PIBF1: variants seen among roughly 807,000 people sequenced by gnomAD.
PIBF1 encodes the protein progesterone-induced-blocking factor 1.
PIBF1 carries 90 observed loss-of-function variants against 112.5 expected under a neutral mutation model. The ratio of observed to expected loss-of-function variants is 0.80; its 90% confidence interval spans 0.67 to 0.95. PIBF1 has a LOEUF of 0.95. Among genes scored for constraint, PIBF1 ranks in the 40% least tolerant of loss-of-function variants. The pLI, the probability that PIBF1 is intolerant of heterozygous loss-of-function variation, is 0.00. For missense variants in PIBF1, 915 were observed against 852.3 expected (o/e 1.07, Z -0.92); for synonymous variants, 301 against 288.6 (o/e 1.04, Z -0.44).
intron 10 of PIBF1, among the ~76,000 whole-genome samples, chr13:72,877,044 G>A (rs112231413): frequency 4.7e-4 from 71 of 152,208 alleles, no homozygotes; most frequent in African/African-American, 1.6e-3. Context: ...ATCAAGTTGA[G>A]GAACTTCCCG....
chr13:72,824,037 A>G, intron 6 of PIBF1, among the ~76,000 whole-genome samples: 1 of 152,042 alleles, frequency 6.6e-6, no homozygotes, highest in East Asian at 1.9e-4. Flanking sequence ...TTTTTGAGAC[A>G]GAGTCTCACT....
At chr13:72,870,811 A>G (rs1029153875) in intron 10 of PIBF1, among the ~76,000 whole-genome samples, 11 of 151,196 alleles carry the variant, frequency 7.3e-5, no homozygotes, top group Admixed American at 3.3e-4. Context: ...TAAATATAGA[A>G]GAAACAAAAG....
At chr13:72,820,651 A>G (rs185176618) in intron 5 of PIBF1, among the ~76,000 whole-genome samples, 16 of 152,308 alleles carry the variant, frequency 1.1e-4, no homozygotes, top group Admixed American at 3.9e-4. Flanking sequence ...TTGTATCTGT[A>G]GTGCCTAATC....
At chr13:72,890,438 A>C (rs1361721907) in intron 10 of PIBF1, among the ~76,000 whole-genome samples, 1 of 152,148 alleles carries the variant, frequency 6.6e-6, no homozygotes, top group Non-Finnish European at 1.5e-5. Context: ...AGAGCAAACC[A>C]TCAGTTCTAG....
chr13:72,880,719 A>G (rs1207061544), intron 10 of PIBF1, among the ~76,000 whole-genome samples: 1 of 152,240 alleles, frequency 6.6e-6, no homozygotes, highest in Non-Finnish European at 1.5e-5. Context: ...GTCACATTAC[A>G]TTGAAAAATA....
intron 13 of PIBF1, among the ~76,000 whole-genome samples, chr13:72,930,503 A>C (rs1264252988): frequency 6.6e-6 from 1 of 152,224 alleles, no homozygotes; most frequent in Non-Finnish European, 1.5e-5. Context: ...TTTTATTCTT[A>C]AAATTGTTTC....
At chr13:72,783,177 GT>G (rs895471216) in intron 1 of PIBF1, among the ~76,000 whole-genome samples, 2 of 151,772 alleles carry the variant, frequency 1.3e-5, no homozygotes, top group African/African-American at 4.8e-5. Flanking sequence ...ACATTTCTTT[GT>G]TTCCTCCAAG....
chr13:72,947,935 G>T (rs544605607), intron 14 of PIBF1, among the ~76,000 whole-genome samples: 3 of 152,270 alleles, frequency 2.0e-5, no homozygotes, highest in Non-Finnish European at 4.4e-5. Context: ...GCAGGAACAT[G>T]GATGAAGCTG....
At chr13:72,785,457 C>T (rs1346030393) in intron 2 of PIBF1, among the ~76,000 whole-genome samples, 1 of 152,154 alleles carries the variant, frequency 6.6e-6, no homozygotes, top group Non-Finnish European at 1.5e-5. Context: ...TTAAACAAAG[C>T]CACTAGGTGG....
chr13:72,981,011 G>A (rs2043142997), intron 16 of PIBF1, among the ~76,000 whole-genome samples: 1 of 151,876 alleles, frequency 6.6e-6, no homozygotes, highest in Non-Finnish European at 1.5e-5. Context: ...TTGGGAGGCG[G>A]AAGTGGGTGG....
chr13:72,903,573 C>T (rs983033257), intron 11 of PIBF1, among the ~76,000 whole-genome samples: 1 of 152,170 alleles, frequency 6.6e-6, no homozygotes, highest in Non-Finnish European at 1.5e-5. Context: ...GGCTACTTCA[C>T]TGAGGAACCA....
At chr13:72,895,405 C>A (rs989648863) in intron 11 of PIBF1, among the ~76,000 whole-genome samples, 2 of 150,586 alleles carry the variant, frequency 1.3e-5, no homozygotes, top group African/African-American at 4.9e-5. Context: ...GGGCTTATGT[C>A]CTTAAGTTTA....
chr13:72,902,901 CTT>C (rs113529963), intron 11 of PIBF1, among the ~76,000 whole-genome samples: 5 of 143,190 alleles, frequency 3.5e-5, no homozygotes, highest in East Asian at 2.0e-4. Context: ...GGAAATAAAT[CTT>C]TTTTTTTTTT....
Position 72,893,954 on chromosome 13 carries a change from A to G in PIBF1, c.1488+5A>G. On this transcript the variant is annotated splice_donor_5th_base_variant and intron_variant, in intron 11 of 17. Transcript: ENST00000326291. ...AAATATCAGAAAAAATTGGAGGTAC[A>G]TGTACAAGCTTTTCTTTCAACATTA... The G allele has an allele frequency of 6.6e-7, 1 of 1,505,352 alleles. No homozygotes were observed. Among genetic ancestry groups the G allele is most frequent in the South Asian group, 1.2e-5 (1 of 83,464 alleles). 93.2% of individuals were successfully genotyped at this position (1,505,352 alleles called of 1,614,324 possible). A position where few individuals can be genotyped will look rare whatever the true frequency, so the allele number is the denominator to read the frequency against.
chr13:72,883,148 C>T (rs114959997), intron 10 of PIBF1, among the ~76,000 whole-genome samples: 294 of 152,106 alleles, frequency 1.9e-3, no homozygotes, highest in African/African-American at 6.6e-3. Context: ...GAGTATTCTT[C>T]GGCCATAAAA....
At chr13:72,791,037 TTTTG>T (rs141805152) in intron 2 of PIBF1, among the ~76,000 whole-genome samples, 24,549 of 149,742 alleles carry the variant, frequency 0.16, 5,187 homozygotes, top group African/African-American at 0.49. Context: ...ATTCATGTAT[TTTTG>T]TTTGTTTGTT....
At chr13:72,878,214 A>G (rs929496923) in intron 10 of PIBF1, among the ~76,000 whole-genome samples, 3 of 149,550 alleles carry the variant, frequency 2.0e-5, no homozygotes, top group South Asian at 2.1e-4. Context: ...GATTTAATTT[A>G]CTCTTTTTTT....
chr13:72,834,198 G>A (rs2037248973), intron 8 of PIBF1, among the ~76,000 whole-genome samples: 2 of 152,158 alleles, frequency 1.3e-5, no homozygotes, highest in African/African-American at 4.8e-5. Context: ...ATCGCATTGT[G>A]TTTTAACTTA....
In PIBF1 at chr13:72,962,596, C is replaced by CAA. The variant is rs56918554; in HGVS notation, c.1834-2666_1834-2665dup. On this transcript the variant is annotated intron_variant, in intron 14 of 17. Coordinates refer to ENST00000326291, the MANE Select transcript of PIBF1 (RefSeq NM_006346.4). ...TAGGTGACAGAGTGAGTCCCTGTCT[C>CAA]AAAAAAAAAAAAAGGAAGAAAACAT... 1.7e-3 allele frequency among the ~76,000 whole-genome samples: 230 copies of CAA among 133,006 alleles called. 1 individual carries two copies. The highest frequency in any genetic ancestry group is 4.9e-3 in the African/African-American group (182 of 37,160). 87.3% of individuals were successfully genotyped at this position (133,006 alleles called of 152,430 possible). A position where few individuals can be genotyped will look rare whatever the true frequency, so the allele number is the denominator to read the frequency against.
Sources: gnomAD v4.1 joint callset for allele counts (sites outside exome capture counted in the v4.1 genomes callset) on GRCh38, gnomAD v4.1.1 for gene constraint, MANE v1.5 for transcripts, NCBI Gene and HGNC (gene_info 2026-07-23, HGNC 2026-07-21) for gene names.